The following PHACTR4 variants were observed in gnomAD, a reference collection of about 807,000 sequenced individuals.
The protein encoded by PHACTR4 is protein phosphatase 1, regulatory subunit 124.
In PHACTR4, 51 loss-of-function variants were observed where a neutral mutation model predicts 72.7. The observed-to-expected ratio is 0.70, with a 90% CI of 0.56 to 0.89. The LOEUF is 0.89. Ranked by LOEUF, PHACTR4 falls within the 40% of genes least tolerant of loss-of-function variation. PHACTR4 has a pLI of 0.00. For synonymous variants in PHACTR4, 255 were observed against 302.5 expected (o/e 0.84, Z 1.63); for missense variants, 731 against 861.8 (o/e 0.85, Z 1.90).
chr1:28,404,042 CGTTT>C (rs753799470), intron 1 of PHACTR4, among the ~76,000 whole-genome samples: 5 of 151,982 alleles, frequency 3.3e-5, no homozygotes, highest in Non-Finnish European at 7.4e-5. Context: ...ACAAGTTTTT[CGTTT>C]GTTTGTTTTG....
chr1:28,380,050 ACTTTTT>A (rs1448831743), intron 1 of PHACTR4, among the ~76,000 whole-genome samples: 4 of 128,078 alleles, frequency 3.1e-5, no homozygotes, highest in South Asian at 2.4e-4. Context: ...TTTAAATGTA[ACTTTTT>A]TTTTTTTTTT....
intron 2 of PHACTR4, among the ~76,000 whole-genome samples, chr1:28,441,684 G>C (rs1276498414): frequency 6.6e-6 from 1 of 152,180 alleles, no homozygotes; most frequent in Non-Finnish European, 1.5e-5. Context: ...GAAGCATGTA[G>C]ATTTATCTAG....
intron 2 of PHACTR4, among the ~76,000 whole-genome samples, chr1:28,413,896 T>C (rs1429524113): frequency 6.6e-6 from 1 of 152,192 alleles, no homozygotes; most frequent in African/African-American, 2.4e-5. Context: ...CTTGGCCTTA[T>C]TGTTGATGAA....
At position 28,499,658 on chromosome 1, in the gene PHACTR4, T is replaced by TA. The variant is rs1433703718; in HGVS notation, c.*3110dup. The TA allele has an allele frequency of 6.6e-6, 1 of 152,060 alleles. No individual in the cohort carries two copies. Among genetic ancestry groups the TA allele is most frequent in the Non-Finnish European group, 1.5e-5 (1 of 68,046 alleles). The allele number at this position is 152,060 out of a possible 1,614,324, so 9.4% of individuals were successfully genotyped here. ...GGCCCAGCTAATTTTTGTGTTTTGT[T>TA]AGAGATGAGGTTTTGCCATATTGCC... On this transcript the variant is annotated 3_prime_UTR_variant, in exon 14 of 14. Transcript: ENST00000373839.
chr1:28,442,721 C>T (rs1418713096), intron 2 of PHACTR4, among the ~76,000 whole-genome samples: 1 of 151,954 alleles, frequency 6.6e-6, no homozygotes, highest in Non-Finnish European at 1.5e-5. Context: ...GGCCAGGTTG[C>T]TTTCAAACTC....
intron 8 of PHACTR4, among the ~76,000 whole-genome samples, chr1:28,478,186 T>G (rs1660043481): frequency 6.6e-6 from 1 of 152,196 alleles, no homozygotes; most frequent in African/African-American, 2.4e-5. Flanking sequence ...TCACTTAACG[T>G]AATTGTCCTC....
rs533780130 is a variant in PHACTR4, at chr1:28,389,160, G to A, written c.-38-18250G>A. Among the ~76,000 whole-genome samples the A allele has an allele frequency of 3.3e-5, 5 of 150,228 alleles. No individual in the cohort carries two copies. The East Asian group carries it at 9.7e-4, about 29-fold the overall frequency. ...AAGTTATGAGGAACTCAACAGCAAG[G>A]AAACAATCCCATTTTAAAATGGGCA... is the stretch of plus-strand genomic sequence containing the variant. On this transcript the variant is annotated intron_variant, in intron 1 of 13. Coordinates refer to ENST00000373839, the MANE Select transcript of PHACTR4 (RefSeq NM_001048183.3).
intron 2 of PHACTR4, among the ~76,000 whole-genome samples, chr1:28,419,738 G>A (rs948506199): frequency 1.3e-5 from 2 of 152,026 alleles, no homozygotes; most frequent in Non-Finnish European, 2.9e-5. Context: ...CCTAGGAATA[G>A]GATAATGTAT....
intron 2 of PHACTR4, among the ~76,000 whole-genome samples, chr1:28,440,391 ATTCTT>A (rs1656931900): frequency 2.2e-5 from 2 of 89,966 alleles, no homozygotes; most frequent in African/African-American, 1.0e-4. Context: ...AAATTCATCA[ATTCTT>A]TTTTTTTTTT....
At chr1:28,473,509 G>C in intron 6 of PHACTR4, 45 bp from the exon 7 acceptor site, 1 of 1,448,704 alleles carries the variant, frequency 6.9e-7, no homozygotes, top group Non-Finnish European at 9.5e-7. Context: ...GCCCTTCAAA[G>C]CATTGGAAAG....
chr1:28,496,943 A>C lies in PHACTR4; in HGVS notation c.*394A>C. ...GCCCTGCCCTGATTGTGAGACCCAA[A>C]TGTGTAGGCTCTAAATTCCAGCCAT... On this transcript the variant is annotated 3_prime_UTR_variant, in exon 14 of 14. Transcript: ENST00000373839. 4.6e-6 allele frequency: 1 copy of C among 218,536 alleles called. No individual in the cohort carries two copies. The highest frequency in any genetic ancestry group is 9.1e-6 in the Non-Finnish European group (1 of 110,020). 13.5% of individuals were successfully genotyped at this position (218,536 alleles called of 1,614,324 possible). A position where few individuals can be genotyped will look rare whatever the true frequency, so the allele number is the denominator to read the frequency against.
chr1:28,479,352 G>A (rs188092516), intron 8 of PHACTR4, among the ~76,000 whole-genome samples: 10 of 151,318 alleles, frequency 6.6e-5, no homozygotes, highest in East Asian at 2.0e-4. Flanking sequence ...CCCAGGAGAC[G>A]GAAGTCGCAG....
chr1:28,396,220 A>T (rs946417334), intron 1 of PHACTR4, among the ~76,000 whole-genome samples: 5 of 152,018 alleles, frequency 3.3e-5, no homozygotes, highest in Non-Finnish European at 7.4e-5. Flanking sequence ...GGAAAAGGGT[A>T]AATTGGTGAC....
In PHACTR4 at chr1:28,379,866, G is replaced by A. The variant is rs375210539; in HGVS notation, c.-39+10041G>A. Among the ~76,000 whole-genome samples, 15 of 151,736 alleles carry A rather than the reference G, an allele frequency of 9.9e-5. No individual in the cohort carries two copies. The East Asian group carries it at 1.4e-3, about 14-fold the overall frequency. ...GGCCTCCCAAAGTGCTGGGATTACA[G>A]GTGTGAGCCACCGCGCCCAGCCTAT... On this transcript the variant is annotated intron_variant, in intron 1 of 13. Transcript: ENST00000373839.
At chr1:28,379,837 C>T (rs933500550) in intron 1 of PHACTR4, among the ~76,000 whole-genome samples, 2 of 151,644 alleles carry the variant, frequency 1.3e-5, no homozygotes, top group Non-Finnish European at 2.9e-5. Context: ...GATCCGCCCG[C>T]CTCGGCCTCC....
intron 2 of PHACTR4, chr1:28,438,423 TGCA>T: frequency 1.2e-6 from 2 of 1,613,208 alleles, no homozygotes; most frequent in South Asian, 2.2e-5. Context: ...TAAATCCAGA[TGCA>T]GTTGGTGAGT....
chr1:28,370,722 C>G (rs1651177770), intron 1 of PHACTR4, among the ~76,000 whole-genome samples: 1 of 151,738 alleles, frequency 6.6e-6, no homozygotes, highest in African/African-American at 2.4e-5. Context: ...AAAAGTCCTT[C>G]AGTGGAAGAA....
At chr1:28,423,618 G>A (rs1655650629) in intron 2 of PHACTR4, among the ~76,000 whole-genome samples, 1 of 152,136 alleles carries the variant, frequency 6.6e-6, no homozygotes, top group Admixed American at 6.6e-5. Context: ...GGTTTATGGT[G>A]TAGCAAAGAA....
At chr1:28,433,171 A>T in intron 2 of PHACTR4, 1 of 790,940 alleles carries the variant, frequency 1.3e-6, no homozygotes, top group African/African-American at 1.9e-5. Flanking sequence ...ATTAGCTAAC[A>T]AATAACAAGA....
Sources: allele counts gnomAD v4.1 joint callset (sites outside exome capture counted in the v4.1 genomes callset), GRCh38; gene constraint gnomAD v4.1.1; transcripts MANE v1.5; gene names NCBI Gene and HGNC (gene_info 2026-07-23, HGNC 2026-07-21).